Variants in GGA1 observed in about 807,000 individuals in gnomAD.
GGA1 encodes the protein golgi associated, gamma adaptin ear containing, ARF binding protein 1.
Under a neutral mutation model 76.9 loss-of-function variants are expected in GGA1, and 18 were observed. The observed-to-expected ratio is 0.23, with a 90% CI of 0.16 to 0.35. GGA1 has a LOEUF of 0.35. GGA1 is among the 10% of genes least tolerant of loss of function. GGA1 has a pLI of 1.00. For synonymous variants in GGA1, 342 were observed against 354.7 expected, an observed-to-expected ratio of 0.96 and a Z score of 0.40; for missense variants, 755 against 859.0, an observed-to-expected ratio of 0.88 and a Z score of 1.51.
chr22:37,619,876 G>C (rs1383777423), intron 4 of GGA1: 4 of 758,402 alleles, frequency 5.3e-6, no homozygotes, highest in South Asian at 4.2e-5. Context: ...GGGCCTCCCA[G>C]TTCCACCCTC....
Position 37,623,580 on chromosome 22 carries a change from G to A in GGA1, c.779G>A (p.Arg260Gln), listed in dbSNP as rs372349388. 6 of 1,608,970 alleles carry A rather than the reference G, an allele frequency of 3.7e-6. No homozygotes were observed. The highest frequency in any genetic ancestry group is 1.7e-5 in the Admixed American group (1 of 58,882). ...CTGTACCAGCGCTGTGAGCGGATGC[G>A]GCCCACGCTCTTCCGACTGGCGAGT... The part of the protein sequence containing the change: ...KELYQRCERM[R>Q]PTLFRLASDT... Residue 260 changes from arginine to glutamine, a missense_variant, in exon 9 of 17, where the codon CGG (arginine) becomes CAG (glutamine). By Grantham distance (43) the Arg-to-Gln change is conservative. Coordinates refer to ENST00000343632, the MANE Select transcript of GGA1 (RefSeq NM_013365.5). This position sits in a 1 kb window ranked among gnomAD's most constrained non-coding sequence, Gnocchi z 4.6.
Position 37,632,996 on chromosome 22 carries a change from G to C in GGA1, c.*285G>C, listed in dbSNP as rs1932082282. 1 of 426,594 alleles carries C rather than the reference G, an allele frequency of 2.3e-6. No individual in the cohort carries two copies. Among genetic ancestry groups the C allele is most frequent in the Non-Finnish European group, 4.3e-6 (1 of 231,366 alleles). 26.4% of individuals were successfully genotyped at this position (426,594 alleles called of 1,614,324 possible). Reference sequence around the variant, plus strand: ...GGGCTGTGTAGCCTTGGAAGAACTTGGGTCATGGGGAGGAAGCACAGCTGT... The same window carrying C: ...GGGCTGTGTAGCCTTGGAAGAACTTCGGTCATGGGGAGGAAGCACAGCTGT... On this transcript the variant is annotated 3_prime_UTR_variant, in exon 17 of 17. Transcript: ENST00000343632. The surrounding 1 kb of genome is among the most constrained non-coding windows in gnomAD (Gnocchi z 5.1).
rs1011398253 is a variant in GGA1 at position 37,623,244 on chromosome 22, A to G, written c.610-83A>G. The G allele has an allele frequency of 3.0e-6, 4 of 1,324,932 alleles. No homozygotes were observed. Among genetic ancestry groups the G allele is most frequent in the Admixed American group, 1.7e-5 (1 of 59,178 alleles). The allele number at this position is 1,324,932 out of a possible 1,614,324, so 82.1% of individuals were successfully genotyped here. A position where few individuals can be genotyped will look rare whatever the true frequency, so the allele number is the denominator to read the frequency against. ...TCACCCAGCTGTCAACCCAGATCCC[A>G]GCACACATTCTCTCAAGTGGCAGGG... On this transcript the variant is annotated intron_variant, in intron 7 of 16. Coordinates refer to ENST00000343632, the MANE Select transcript of GGA1 (RefSeq NM_013365.5). The surrounding 1 kb of genome is among the most constrained non-coding windows in gnomAD (Gnocchi z 4.6).
chr22:37,609,221 C>T, intron 1 of GGA1: 1 of 1,242,838 alleles, frequency 8.0e-7, no homozygotes, highest in Non-Finnish European at 1.0e-6. Flanking sequence ...CACATTGCTT[C>T]ACGGAGTAGC....
At chr22:37,619,533 C>G (rs890635624) in intron 4 of GGA1, among the ~76,000 whole-genome samples, 1 of 151,950 alleles carries the variant, frequency 6.6e-6, no homozygotes, top group Non-Finnish European at 1.5e-5. Flanking sequence ...TGCCCACCAC[C>G]AAGCCTGGCT....
chr22:37,629,227 AGTG>A (rs1205323096), intron 11 of GGA1, among the ~76,000 whole-genome samples: 2 of 152,152 alleles, frequency 1.3e-5, no homozygotes, highest in South Asian at 2.1e-4. Context: ...AGAGCTTTGG[AGTG>A]GCCTGGCCAG....
At position 37,629,999 on chromosome 22, in the gene GGA1, C is replaced by T. The variant is rs766608702; in HGVS notation, c.1160C>T (p.Ser387Leu). 1.2e-5 allele frequency: 19 copies of T among 1,552,268 alleles called. No individual in the cohort carries two copies. Among genetic ancestry groups the T allele is most frequent in the Middle Eastern group, 1.7e-4 (1 of 5,798 alleles). ...LDGTGWNSFQ[S>L]SDATEPPAPA... The stretch of plus-strand genomic sequence containing the variant: ...CCACCTGCATCCTTTTCCCCACAGT[C>T]GTCGGATGCCACTGAGCCCCCAGCC... Residue 387 changes from serine to leucine, a missense_variant and splice_region_variant, in exon 13 of 17, where the codon TCG (serine) becomes TTG (leucine). Ser to Leu is a moderately radical substitution (Grantham distance 145). Coordinates refer to ENST00000343632, the MANE Select transcript of GGA1 (RefSeq NM_013365.5).
rs1021170827 is a variant in GGA1, at chr22:37,632,850, A to G, written c.*139A>G. 7 of 626,470 alleles carry G rather than the reference A, an allele frequency of 1.1e-5. No homozygotes were observed. Among genetic ancestry groups the G allele is most frequent in the Non-Finnish European group, 2.0e-5 (7 of 344,750 alleles). 38.8% of individuals were successfully genotyped at this position (626,470 alleles called of 1,614,324 possible). On this transcript the variant is annotated 3_prime_UTR_variant, in exon 17 of 17. Transcript: ENST00000343632. This position sits in a 1 kb window ranked among gnomAD's most constrained non-coding sequence, Gnocchi z 5.1. ...CTGGTGCTTCTCCCCACACCCCTGT[A>G]GGCCTCAAGTGACTCTTCCCCCTCC...
chr22:37,612,768 G>A (rs1022870051), intron 1 of GGA1: 11 of 275,010 alleles, frequency 4.0e-5, no homozygotes, highest in African/African-American at 1.9e-4. Context: ...CGTGAGACTC[G>A]TCTCAAAAAA....
rs376507664 is a variant in GGA1 at position 37,627,857 on chromosome 22, G to A, written c.1094-1605G>A. Among the ~76,000 whole-genome samples the A allele has an allele frequency of 1.1e-4, 16 of 152,318 alleles. No homozygotes were observed. In the East Asian group the frequency reaches 1.5e-3, roughly 15 times the overall value. ...CAGGGGGCTGGTCCTCACTCTTCAC[G>A]GCAGGGGTGGGAGACAGGTTCCTGT... On this transcript the variant is annotated intron_variant, in intron 11 of 16. Coordinates refer to ENST00000343632, the MANE Select transcript of GGA1 (RefSeq NM_013365.5).
Position 37,614,362 on chromosome 22 carries a change from G to C in GGA1, c.128+88G>C, listed in dbSNP as rs1928352399. On this transcript the variant is annotated intron_variant, in intron 2 of 16. Coordinates refer to ENST00000343632, the MANE Select transcript of GGA1 (RefSeq NM_013365.5). ...AATGGCCTGGGTGGGTGGAGACCCG[G>C]TTTTCATTCTGAACGTATTCACAAA... 1.8e-5 allele frequency: 16 copies of C among 890,184 alleles called. No individual in the cohort carries two copies. In the South Asian group the frequency reaches 2.0e-4, roughly 11 times the overall value. The allele number at this position is 890,184 out of a possible 1,614,324, so 55.1% of individuals were successfully genotyped here. A position where few individuals can be genotyped will look rare whatever the true frequency, so the allele number is the denominator to read the frequency against.
Position 37,632,580 on chromosome 22 carries a change from C to T in GGA1, c.1810-21C>T. The T allele has an allele frequency of 6.3e-7, 1 of 1,594,780 alleles. No homozygotes were observed. On this transcript the variant is annotated intron_variant, in intron 16 of 16. Coordinates refer to ENST00000343632, the MANE Select transcript of GGA1 (RefSeq NM_013365.5). The surrounding 1 kb of genome is among the most constrained non-coding windows in gnomAD (Gnocchi z 5.1). ...CACTTCTCCTCCTCTGACCCCTCTG[C>T]CTTTGCCATCTCTTCCCCAGGAGAA...
Position 37,630,925 on chromosome 22 carries a change from C to G in GGA1, c.1354C>G (p.Arg452Gly), listed in dbSNP as rs1273648347. Residue 452 changes from arginine to glycine, a missense_variant, in exon 14 of 17, where the codon CGG (arginine) becomes GGG (glycine). By Grantham distance (125) the Arg-to-Gly change is moderately radical. Coordinates refer to ENST00000343632, the MANE Select transcript of GGA1 (RefSeq NM_013365.5). Reference sequence around the variant, plus strand: ...AAGGGAGAAGCAGCAGCCAACCCCCCGGCTCACACTCCGGGACCTGCAGAA... The same window carrying G: ...AAGGGAGAAGCAGCAGCCAACCCCCGGGCTCACACTCCGGGACCTGCAGAA... ...VRWEKQQPTP[R>G]LTLRDLQNKS... The G allele has an allele frequency of 1.9e-6, 3 of 1,611,710 alleles. No homozygotes were observed. Among genetic ancestry groups the G allele is most frequent in the Admixed American group, 3.4e-5 (2 of 59,426 alleles).
chr22:37,631,865 GCCC>G (rs2146010619), intron 14 of GGA1, 128 bp from the exon 15 acceptor site: 1 of 702,420 alleles, frequency 1.4e-6, no homozygotes, highest in African/African-American at 1.8e-5. Context: ...TCCAGGTAAG[GCCC>G]CAAAGGAGGA....
chr22:37,622,881 C>T (rs1489045220), intron 7 of GGA1, among the ~76,000 whole-genome samples: 2 of 152,200 alleles, frequency 1.3e-5, no homozygotes, highest in Non-Finnish European at 2.9e-5. Flanking sequence ...TGCCAGGCAC[C>T]GACAGACACT....
intron 1 of GGA1, among the ~76,000 whole-genome samples, chr22:37,611,733 G>A (rs1286237768): frequency 1.3e-5 from 2 of 152,220 alleles, no homozygotes; most frequent in Non-Finnish European, 2.9e-5. Context: ...CCCTCAGCTC[G>A]GTGCTCAGGC....
chr22:37,614,071 T>G (rs557405246), intron 1 of GGA1, 119 bp from the exon 2 acceptor site: 2 of 738,140 alleles, frequency 2.7e-6, no homozygotes, highest in African/African-American at 3.5e-5. Flanking sequence ...GGGGGAGAGC[T>G]TTCCCACGTG....
chr22:37,613,461 C>T (rs978307642), intron 1 of GGA1, among the ~76,000 whole-genome samples: 1 of 152,000 alleles, frequency 6.6e-6, no homozygotes, highest in Non-Finnish European at 1.5e-5. Flanking sequence ...AGGGCAGTGG[C>T]GAGACCTCGG....
Position 37,616,907 on chromosome 22 carries a change from G to A in GGA1, c.129-15G>A, listed in dbSNP as rs1339367760. The A allele has an allele frequency of 3.1e-6, 5 of 1,596,000 alleles. No individual in the cohort carries two copies. Among genetic ancestry groups the A allele is most frequent in the Non-Finnish European group, 4.3e-6 (5 of 1,172,250 alleles). ...TCCGTGGCGACTCTGGCTCTGTGTT[G>A]TTCCTCCCACCCAGGCCTCCACTCG... is the stretch of plus-strand genomic sequence containing the variant. On this transcript the variant is annotated splice_polypyrimidine_tract_variant and intron_variant, in intron 2 of 16. Transcript: ENST00000343632.
Sources: allele counts gnomAD v4.1 joint callset (sites outside exome capture counted in the v4.1 genomes callset), GRCh38; gene constraint gnomAD v4.1.1; non-coding constraint Gnocchi (gnomAD v3.1); transcripts MANE v1.5; gene names NCBI Gene and HGNC (gene_info 2026-07-23, HGNC 2026-07-21).